MYH10: variants seen among roughly 807,000 people sequenced by gnomAD.
The protein encoded by MYH10 is myosin-10.
MYH10 carries 55 observed loss-of-function variants against 257.8 expected under a neutral mutation model. That is an observed-to-expected ratio of 0.21 (90% CI 0.17 to 0.27). MYH10 has a LOEUF of 0.27. MYH10 is among the 10% of genes least tolerant of loss of function. The pLI is 1.00. For missense variants in MYH10, 1,631 were observed against 2,500.6 expected (o/e 0.65, Z 7.42); for synonymous variants, 854 against 921.7 (o/e 0.93, Z 1.33).
chr17:8,628,699 A>G (rs1461559368), intron 1 of MYH10, among the ~76,000 whole-genome samples: 1 of 152,190 alleles, frequency 6.6e-6, no homozygotes, highest in Non-Finnish European at 1.5e-5. Context: ...CCATCTCCCA[A>G]TTAATATCTC....
intron 13 of MYH10, among the ~76,000 whole-genome samples, chr17:8,543,051 A>G (rs2082335751): frequency 6.6e-6 from 1 of 152,238 alleles, no homozygotes; most frequent in Non-Finnish European, 1.5e-5. Flanking sequence ...GCGAATGCAT[A>G]GATGGGTGAA....
In MYH10 at chr17:8,590,873, C is replaced by CTT. The variant is rs398030291; in HGVS notation, c.503-1767_503-1766dup. The stretch of plus-strand genomic sequence containing the variant: ...TCTCCCTCAGGTTTCTCAATGTCGC[C>CTT]TTTTTTTTTTTTTTTTTGAGATGGA... On this transcript the variant is annotated intron_variant, in intron 3 of 42. Coordinates refer to ENST00000360416, the MANE Select transcript of MYH10 (RefSeq NM_001256012.3). Among the ~76,000 whole-genome samples the CTT allele has an allele frequency of 5.5e-5, 5 of 90,100 alleles. 2 individuals carry two copies. The highest frequency in any genetic ancestry group is 4.5e-4 in the South Asian group (1 of 2,232). The allele number at this position is 90,100 out of a possible 152,430, so 59.1% of individuals were successfully genotyped here.
chr17:8,588,996 A>C, intron 4 of MYH10, 85 bp downstream of exon 4: 8 of 1,229,582 alleles, frequency 6.5e-6, no homozygotes, highest in South Asian at 1.3e-5. Flanking sequence ...TTACTGCTCT[A>C]CTTCTCCCCT....
At chr17:8,622,198 G>A (rs2085493139) in intron 2 of MYH10, among the ~76,000 whole-genome samples, 1 of 152,108 alleles carries the variant, frequency 6.6e-6, no homozygotes, top group African/African-American at 2.4e-5. Context: ...TGCCACCTCT[G>A]TCTACCATTC....
rs1044026710 is a variant in MYH10, at chr17:8,565,640, A to G, written c.756+4080T>C. Among the ~76,000 whole-genome samples the G allele has an allele frequency of 2.0e-5, 3 of 152,392 alleles. No individual in the cohort carries two copies. In the South Asian group the frequency reaches 6.2e-4, roughly 32 times the overall value. Reference sequence around the variant, plus strand: ...AAAAAATCTTTTTTCTACTAAAAACAAATCAGCTTTTACTATATTAGAATG... The same window carrying G: ...AAAAAATCTTTTTTCTACTAAAAACGAATCAGCTTTTACTATATTAGAATG... On this transcript the variant is annotated intron_variant, in intron 7 of 42. Transcript: ENST00000360416.
chr17:8,509,288 G>A (rs1428883055), intron 25 of MYH10, among the ~76,000 whole-genome samples: 2 of 152,182 alleles, frequency 1.3e-5, no homozygotes, highest in East Asian at 1.9e-4. Context: ...TCAGCCCAGC[G>A]TCTGGTCTAG....
At chr17:8,551,140 A>T (rs1366133165) in intron 9 of MYH10, among the ~76,000 whole-genome samples, 4 of 143,090 alleles carry the variant, frequency 2.8e-5, no homozygotes, top group African/African-American at 5.0e-5. Context: ...TTATCAATAA[A>T]AAATAAATAA....
chr17:8,627,741 T>C (rs1326219299), intron 1 of MYH10, among the ~76,000 whole-genome samples: 2 of 152,234 alleles, frequency 1.3e-5, no homozygotes, highest in East Asian at 3.8e-4. Flanking sequence ...AACACTATGA[T>C]TTTTAAAACA....
intron 7 of MYH10, among the ~76,000 whole-genome samples, chr17:8,557,595 G>A (rs1308423135): frequency 6.6e-6 from 1 of 152,126 alleles, no homozygotes; most frequent in Non-Finnish European, 1.5e-5. Context: ...GATATACTCA[G>A]GCACTATGTC....
chr17:8,542,254 G>A lies in MYH10; in HGVS notation c.1458C>T (p.Ile486=). The A allele has an allele frequency of 6.2e-7, 1 of 1,614,016 alleles. No homozygotes were observed. The highest frequency in any genetic ancestry group is 8.5e-7 in the Non-Finnish European group (1 of 1,179,992). ...GCTGCAGCTTCTCATTGGTGTAGTT[G>A]ATGCAAAGTTGTTCAAAGGAGTTCA... ...FELNSFEQLC[I]NYTNEKLQQL... The change falls in exon 14 of 43, where the codon ATC becomes ATT. Residue 486 remains isoleucine (I), a synonymous_variant. Transcript: ENST00000360416.
chr17:8,480,530 C>A lies in MYH10; in HGVS notation c.5265-5G>T. The A allele has an allele frequency of 6.2e-7, 1 of 1,605,406 alleles. No individual in the cohort carries two copies. The highest frequency in any genetic ancestry group is 1.3e-5 in the African/African-American group (1 of 75,002). Reference sequence around the variant, plus strand: ...TTCTCATCCAGCAGCGCGGACCTGGCGGGGAGAGGAGGAGGGGACGGTTCA... The same window carrying A: ...TTCTCATCCAGCAGCGCGGACCTGGAGGGGAGAGGAGGAGGGGACGGTTCA... On this transcript the variant is annotated splice_region_variant and splice_polypyrimidine_tract_variant and intron_variant, in intron 38 of 42. Coordinates refer to ENST00000360416, the MANE Select transcript of MYH10 (RefSeq NM_001256012.3).
intron 3 of MYH10, among the ~76,000 whole-genome samples, chr17:8,601,977 CTTT>C (rs11481345): frequency 4.3e-5 from 6 of 138,858 alleles, no homozygotes; most frequent in African/African-American, 1.1e-4. Flanking sequence ...GAAACAGAAT[CTTT>C]TTTTTTTTTT....
intron 3 of MYH10, among the ~76,000 whole-genome samples, chr17:8,603,986 A>G (rs1246603312): frequency 6.6e-6 from 1 of 152,118 alleles, no homozygotes; most frequent in African/African-American, 2.4e-5. Context: ...ATTCCTTCAC[A>G]CTATCCTTCA....
chr17:8,599,299 A>G (rs2084504177), intron 3 of MYH10, among the ~76,000 whole-genome samples: 2 of 152,212 alleles, frequency 1.3e-5, no homozygotes, highest in African/African-American at 4.8e-5. Flanking sequence ...ATTTTTCAAT[A>G]TAAGCTTGCT....
intron 17 of MYH10, among the ~76,000 whole-genome samples, chr17:8,529,706 A>T (rs2081958721): frequency 6.6e-6 from 1 of 152,238 alleles, no homozygotes; most frequent in South Asian, 2.1e-4. Context: ...TAAAATAGGC[A>T]TGGCCCTTTA....
chr17:8,521,022 C>T, intron 18 of MYH10, 23 bp from the exon 19 acceptor site: 1 of 1,610,614 alleles, frequency 6.2e-7, no homozygotes, highest in Non-Finnish European at 8.5e-7. Flanking sequence ...ACAATAGTTT[C>T]ATGGTTTAAT....
In MYH10 at chr17:8,548,769, C is replaced by A. The variant is rs774823850; in HGVS notation, c.938G>T (p.Gly313Val). The change falls in exon 10 of 43, where the codon GGA becomes GTA. Residue 313 changes from glycine to valine, a missense_variant. Around this residue, in one of 11 missense-constraint regions of MYH10, gnomAD observed 360 missense variants for 581.9 expected, o/e 0.62. Transcript: ENST00000360416. Reference protein sequence around the residue: ...EHLKSDLLLEGFNNYRFLSNG... With the variant: ...EHLKSDLLLEVFNNYRFLSNG... Reference sequence around the variant, plus strand: ...GGAGAGAAACCTGTAGTTATTAAATCCTTCAAGAAGCAAATCAGCTAAAAG... The same window carrying A: ...GGAGAGAAACCTGTAGTTATTAAATACTTCAAGAAGCAAATCAGCTAAAAG... The A allele has an allele frequency of 5.8e-5, 93 of 1,611,732 alleles. No individual in the cohort carries two copies. Among genetic ancestry groups the A allele is most frequent in the Non-Finnish European group, 7.6e-5 (90 of 1,178,374 alleles).
At position 8,493,044 on chromosome 17, in the gene MYH10, A is replaced by G; in HGVS notation, c.4210-20T>C. On this transcript the variant is annotated intron_variant, in intron 32 of 42. Coordinates refer to ENST00000360416, the MANE Select transcript of MYH10 (RefSeq NM_001256012.3). Reference sequence around the variant, plus strand: ...AGCCAACTAGGTTTTGTGTACGGACAAACAGAAAGCTCAGTATTAATGTAC... The same window carrying G: ...AGCCAACTAGGTTTTGTGTACGGACGAACAGAAAGCTCAGTATTAATGTAC... The G allele has an allele frequency of 6.2e-7, 1 of 1,610,254 alleles. No homozygotes were observed. The highest frequency in any genetic ancestry group is 8.5e-7 in the Non-Finnish European group (1 of 1,178,672).
At chr17:8,539,185 TTTC>T (rs1265547185) in intron 14 of MYH10, among the ~76,000 whole-genome samples, 3 of 152,148 alleles carry the variant, frequency 2.0e-5, no homozygotes, top group Non-Finnish European at 2.9e-5. Flanking sequence ...AAGAAATCAA[TTTC>T]TTTTCTTTAT....
Sources: allele counts gnomAD v4.1 joint callset (sites outside exome capture counted in the v4.1 genomes callset), GRCh38; gene constraint gnomAD v4.1.1; regional missense constraint gnomAD v4.1.1; transcripts MANE v1.5; gene names NCBI Gene and HGNC (gene_info 2026-07-23, HGNC 2026-07-21).